The following CFAP418 variants were observed in gnomAD, a reference collection of about 807,000 sequenced individuals.
The protein encoded by CFAP418 is cilia- and flagella-associated protein 418.
In CFAP418, 27 loss-of-function variants were observed where a neutral mutation model predicts 24.7. The observed-to-expected ratio is 1.09, with a 90% CI of 0.81 to 1.51. The LOEUF (loss-of-function observed/expected upper bound fraction) is 1.51, where lower values mean the gene tolerates loss of function less well. CFAP418 is among the 40% of genes most tolerant of loss of function. CFAP418 has a pLI of 0.00. For missense variants in CFAP418, 257 were observed against 255.2 expected, an observed-to-expected ratio of 1.01 and a Z score of -0.05; for synonymous variants, 74 against 87.3, an observed-to-expected ratio of 0.85 and a Z score of 0.85.
At chr8:95,264,012 A>G (rs1587357518) in intron 1 of CFAP418, among the ~76,000 whole-genome samples, 1 of 152,206 alleles carries the variant, frequency 6.6e-6, no homozygotes, top group African/African-American at 2.4e-5. Flanking sequence ...TACTTCAGAC[A>G]TTTACAGCTA....
chr8:95,253,081 G>A (rs1055327994), intron 4 of CFAP418, among the ~76,000 whole-genome samples: 42 of 152,218 alleles, frequency 2.8e-4, no homozygotes, highest in Middle Eastern at 3.4e-3. Context: ...AGGCTGAGGC[G>A]GGCGGATCAC....
chr8:95,258,849 T>C (rs1383261377), intron 4 of CFAP418, among the ~76,000 whole-genome samples: 1 of 152,250 alleles, frequency 6.6e-6, no homozygotes, highest in Non-Finnish European at 1.5e-5. Context: ...TGCGGTTACA[T>C]GCTACACAGG....
intron 4 of CFAP418, among the ~76,000 whole-genome samples, chr8:95,256,169 A>C (rs939219667): frequency 2.0e-5 from 3 of 151,726 alleles, no homozygotes; most frequent in Non-Finnish European, 4.4e-5. Context: ...AAAATATTTC[A>C]TACATAAGAA....
At chr8:95,267,857 A>G (rs1812023427) in intron 1 of CFAP418, among the ~76,000 whole-genome samples, 1 of 150,704 alleles carries the variant, frequency 6.6e-6, no homozygotes, top group South Asian at 2.2e-4. Flanking sequence ...GAAGGTCAAT[A>G]TTCTTATGCA....
rs1414718528 is a variant in CFAP418 at position 95,245,553 on chromosome 8, A to C, written c.*2064T>G. On this transcript the variant is annotated 3_prime_UTR_variant, in exon 6 of 6. Transcript: ENST00000286688. ...CAGGAGATCGACATCATTCTGGCCA[A>C]CATGGTGAAACCCTGTCTCTATTAA... 1 of 152,096 alleles carries C rather than the reference A, an allele frequency of 6.6e-6. No homozygotes were observed. The highest frequency in any genetic ancestry group is 2.4e-5 in the African/African-American group (1 of 41,392). The allele number at this position is 152,096 out of a possible 1,614,324, so 9.4% of individuals were successfully genotyped here.
chr8:95,267,038 A>T (rs1267063575), intron 1 of CFAP418, among the ~76,000 whole-genome samples: 1 of 152,234 alleles, frequency 6.6e-6, no homozygotes, highest in African/African-American at 2.4e-5. Context: ...GTACTAAAGA[A>T]ATTGCAAAGC....
chr8:95,256,977 G>A (rs1207309512), intron 4 of CFAP418, among the ~76,000 whole-genome samples: 1 of 152,248 alleles, frequency 6.6e-6, no homozygotes, highest in Non-Finnish European at 1.5e-5. Flanking sequence ...AAAGCAAATA[G>A]TGAGTTTAGA....
chr8:95,268,225 A>G (rs1186164828), intron 1 of CFAP418, among the ~76,000 whole-genome samples: 4 of 152,146 alleles, frequency 2.6e-5, no homozygotes, highest in African/African-American at 9.7e-5. Context: ...AGGCGGGAGG[A>G]CAGCTTGAAC....
intron 5 of CFAP418, among the ~76,000 whole-genome samples, chr8:95,250,214 C>T (rs75429007): frequency 0.014 from 2,180 of 152,310 alleles, 29 homozygotes; most frequent in Non-Finnish European, 0.019. Flanking sequence ...TTTAGCTGTT[C>T]CATTCTCTTA....
intron 1 of CFAP418, among the ~76,000 whole-genome samples, chr8:95,266,864 T>C (rs1811990059): frequency 6.6e-6 from 1 of 152,212 alleles, no homozygotes; most frequent in Admixed American, 6.5e-5. Flanking sequence ...AGAACAGGCA[T>C]GACACAACCC....
intron 1 of CFAP418, among the ~76,000 whole-genome samples, chr8:95,264,454 A>G (rs757573431): frequency 6.6e-6 from 1 of 152,180 alleles, no homozygotes; most frequent in Non-Finnish European, 1.5e-5. Flanking sequence ...TTACATGAGT[A>G]TATCTTTATT....
At chr8:95,258,680 A>T (rs1314635144) in intron 4 of CFAP418, among the ~76,000 whole-genome samples, 1 of 152,138 alleles carries the variant, frequency 6.6e-6, no homozygotes, top group African/African-American at 2.4e-5. Flanking sequence ...TCATTCACTC[A>T]CTCAGAGCAA....
At chr8:95,259,950 A>G in intron 3 of CFAP418, 45 bp from the exon 4 acceptor site, 1 of 1,504,952 alleles carries the variant, frequency 6.6e-7, no homozygotes, top group Non-Finnish European at 8.9e-7. Flanking sequence ...TATAACAAAA[A>G]ATAGGAGAAG....
chr8:95,251,609 T>C (rs1421639512), intron 5 of CFAP418, among the ~76,000 whole-genome samples: 1 of 152,150 alleles, frequency 6.6e-6, no homozygotes, highest in Non-Finnish European at 1.5e-5. Context: ...GGAAGGATGG[T>C]CTGAGAGAAG....
intron 1 of CFAP418, among the ~76,000 whole-genome samples, chr8:95,265,433 C>T (rs1811962943): frequency 6.6e-6 from 1 of 152,184 alleles, no homozygotes. Flanking sequence ...TATAGTGAAA[C>T]TCTTCTCTCG....
chr8:95,247,858 T>C, intron 5 of CFAP418, 88 bp from the exon 6 acceptor site: 1 of 1,357,696 alleles, frequency 7.4e-7, no homozygotes, highest in Non-Finnish European at 9.9e-7. Context: ...TGCTTTCTTT[T>C]CTTTTCTTTT....
chr8:95,268,709 C>G (rs1327895737), intron 1 of CFAP418: 2 of 171,334 alleles, frequency 1.2e-5, no homozygotes, highest in Non-Finnish European at 2.4e-5. Context: ...CGCTGGCAGC[C>G]AGAAACAGGA....
At chr8:95,254,870 T>A (rs779251728) in intron 4 of CFAP418, among the ~76,000 whole-genome samples, 10 of 152,254 alleles carry the variant, frequency 6.6e-5, no homozygotes, top group Non-Finnish European at 1.2e-4. Context: ...TGCTTTGCAA[T>A]AACTGATATG....
intron 1 of CFAP418, among the ~76,000 whole-genome samples, chr8:95,268,081 G>A (rs889720051): frequency 6.6e-6 from 1 of 152,014 alleles, no homozygotes; most frequent in Non-Finnish European, 1.5e-5. Flanking sequence ...GAAGGTAGAC[G>A]GTTTAATGTT....
Sources: gnomAD v4.1 joint callset for allele counts (sites outside exome capture counted in the v4.1 genomes callset) on GRCh38, gnomAD v4.1.1 for gene constraint, MANE v1.5 for transcripts, NCBI Gene and HGNC (gene_info 2026-07-23, HGNC 2026-07-21) for gene names.